The following ENPP2 variants were observed in gnomAD, a reference collection of about 807,000 sequenced individuals.
The protein encoded by ENPP2 is autotaxin.
ENPP2 carries 51 observed loss-of-function variants against 120.2 expected under a neutral mutation model. The observed-to-expected ratio is 0.42, with a 90% CI of 0.34 to 0.54. ENPP2 has a LOEUF of 0.54. Ranked by LOEUF, ENPP2 falls within the 20% of genes least tolerant of loss-of-function variation. The probability of loss-of-function intolerance (pLI) is 0.04; values close to 1 mark genes in which losing one functional copy is unlikely to be tolerated. For missense variants in ENPP2, 920 were observed against 1,066.5 expected (o/e 0.86, Z 1.91); for synonymous variants, 365 against 366.4 (o/e 1.00, Z 0.04).
intron 1 of ENPP2, among the ~76,000 whole-genome samples, chr8:119,669,769 T>C (rs915260125): frequency 2.6e-5 from 4 of 152,180 alleles, no homozygotes; most frequent in Admixed American, 6.6e-5. Flanking sequence ...TGTGTATCTA[T>C]ACCTGAGAAG....
intron 8 of ENPP2, among the ~76,000 whole-genome samples, chr8:119,614,544 G>T (rs1233568556): frequency 6.6e-6 from 1 of 152,142 alleles, no homozygotes; most frequent in African/African-American, 2.4e-5. Flanking sequence ...CATTGGGCAG[G>T]TTAACAGCAT....
At chr8:119,620,651 C>T (rs145055977) in intron 4 of ENPP2, among the ~76,000 whole-genome samples, 3 of 152,244 alleles carry the variant, frequency 2.0e-5, no homozygotes, top group East Asian at 1.9e-4. Context: ...GTGGGTTGCA[C>T]GGCAACTTAA....
intron 5 of ENPP2, among the ~76,000 whole-genome samples, chr8:119,618,889 C>T (rs1048842600): frequency 6.6e-6 from 1 of 151,936 alleles, no homozygotes; most frequent in Non-Finnish European, 1.5e-5. Flanking sequence ...TTTCATTCCC[C>T]ACTCCCCGCA....
At chr8:119,640,430 A>G (rs1350136385), upstream of ENPP2, among the ~76,000 whole-genome samples, 1 of 152,252 alleles carries the variant, frequency 6.6e-6, no homozygotes, top group Non-Finnish European at 1.5e-5. Context: ...ATATCAAGGC[A>G]ATCCTGTTAT....
intron 9 of ENPP2, among the ~76,000 whole-genome samples, chr8:119,605,207 G>A (rs1814619337): frequency 6.6e-6 from 1 of 151,976 alleles, no homozygotes; most frequent in South Asian, 2.1e-4. Flanking sequence ...AAGTAGCTGG[G>A]ACTATAGGCA....
At chr8:119,566,128 T>C (rs892954563) in intron 22 of ENPP2, among the ~76,000 whole-genome samples, 2 of 152,216 alleles carry the variant, frequency 1.3e-5, no homozygotes, top group African/African-American at 2.4e-5. Context: ...ATGTCTGCTT[T>C]CTCCTCTATA....
chr8:119,642,045 G>A (rs1817300092), upstream of ENPP2, among the ~76,000 whole-genome samples: 1 of 152,112 alleles, frequency 6.6e-6, no homozygotes, highest in Non-Finnish European at 1.5e-5. Context: ...ATAATATAGA[G>A]CTTTAATTTT....
upstream of ENPP2, among the ~76,000 whole-genome samples, chr8:119,640,387 A>T (rs774120091): frequency 3.3e-5 from 5 of 152,226 alleles, no homozygotes; most frequent in Non-Finnish European, 7.3e-5. Flanking sequence ...CAAGCCAGAC[A>T]TGATAGAGGA....
intron 1 of ENPP2, among the ~76,000 whole-genome samples, chr8:119,667,334 C>T (rs1818103018): frequency 6.6e-6 from 1 of 152,210 alleles, no homozygotes; most frequent in African/African-American, 2.4e-5. Context: ...TTCTCTGTGA[C>T]AAAGAACTCA....
At chr8:119,657,070 G>A (rs781308447) in intron 1 of ENPP2, among the ~76,000 whole-genome samples, 36 of 152,168 alleles carry the variant, frequency 2.4e-4, no homozygotes, top group Non-Finnish European at 4.0e-4. Context: ...TGGGATTACA[G>A]GCACCCACCA....
In ENPP2 at chr8:119,564,939, G is replaced by A; in HGVS notation, c.2148C>T (p.Phe716=). The A allele has an allele frequency of 6.2e-7, 1 of 1,612,570 alleles. No homozygotes were observed. The highest frequency in any genetic ancestry group is 8.5e-7 in the Non-Finnish European group (1 of 1,179,224). Residue 716 remains phenylalanine (F), a synonymous_variant, in exon 23 of 25, where the codon TTC becomes TTT. Transcript: ENST00000075322. ...YPAFKRVWNY[F]QRVLVKKYAS... ...CATATTTCTTCACCAATACCCTTTG[G>A]AAATAATTCCAGACCCCTGTGCAAA...
rs773884330 is a variant in ENPP2 at position 119,569,240 on chromosome 8, G to A, written c.2048C>T (p.Pro683Leu). ...TCTTGATATTCTTAACTTACAAGGAGGAAAGAGGAATCCGTAGGACATCTG... is the reference window on the plus strand; with the variant it reads ...TCTTGATATTCTTAACTTACAAGGAAGAAAGAGGAATCCGTAGGACATCTG... ...DKQMSYGFLF[P>L]PYLSSSPEAK... The change falls in exon 21 of 25, where the codon CCT becomes CTT. Residue 683 changes from proline (P) to leucine (L), a missense_variant. Physicochemically the swap from Pro to Leu is moderately conservative, Grantham distance 98. Coordinates refer to ENST00000075322, the MANE Select transcript of ENPP2 (RefSeq NM_001040092.3). The A allele has an allele frequency of 1.2e-6, 2 of 1,613,830 alleles. No individual in the cohort carries two copies. Among genetic ancestry groups the A allele is most frequent in the Admixed American group, 1.7e-5 (1 of 60,000 alleles).
intron 1 of ENPP2, among the ~76,000 whole-genome samples, chr8:119,661,038 C>A (rs1200291123): frequency 1.3e-5 from 2 of 152,056 alleles, no homozygotes; most frequent in Non-Finnish European, 2.9e-5. Flanking sequence ...AAGCTGGAAA[C>A]CATCATCCTC....
chr8:119,630,263 C>T (rs1312066563), intron 2 of ENPP2, among the ~76,000 whole-genome samples: 1 of 151,964 alleles, frequency 6.6e-6, no homozygotes, highest in East Asian at 1.9e-4. Flanking sequence ...CACCCACCAC[C>T]ATGTCCAGCA....
chr8:119,575,618 C>T (rs1426383106), intron 19 of ENPP2, among the ~76,000 whole-genome samples: 2 of 152,136 alleles, frequency 1.3e-5, no homozygotes, highest in Admixed American at 1.3e-4. Flanking sequence ...AAACTGCGTT[C>T]AAATCTAATC....
intron 13 of ENPP2, among the ~76,000 whole-genome samples, chr8:119,587,537 T>A (rs1813200415): frequency 6.6e-6 from 1 of 152,204 alleles, no homozygotes; most frequent in Non-Finnish European, 1.5e-5. Context: ...ATCCATTGAG[T>A]TATTTTTTTA....
At chr8:119,605,419 A>C (rs1814636063) in intron 9 of ENPP2, among the ~76,000 whole-genome samples, 1 of 121,464 alleles carries the variant, frequency 8.2e-6, no homozygotes, top group Non-Finnish European at 1.7e-5. Flanking sequence ...CCCATGATGA[A>C]GATACCATAT....
intron 13 of ENPP2, among the ~76,000 whole-genome samples, chr8:119,589,071 T>G (rs1341170800): frequency 6.6e-6 from 1 of 152,230 alleles, no homozygotes; most frequent in Non-Finnish European, 1.5e-5. Context: ...TAAGAGTGTA[T>G]GTGTATGTGT....
At chr8:119,623,920 C>T (rs917255455) in intron 3 of ENPP2, among the ~76,000 whole-genome samples, 2 of 152,170 alleles carry the variant, frequency 1.3e-5, no homozygotes, top group Non-Finnish European at 2.9e-5. Flanking sequence ...GCCACTATGC[C>T]CAGCCATTCT....
Sources: gnomAD v4.1 joint callset for allele counts (sites outside exome capture counted in the v4.1 genomes callset) on GRCh38, gnomAD v4.1.1 for gene constraint, MANE v1.5 for transcripts, NCBI Gene and HGNC (gene_info 2026-07-23, HGNC 2026-07-21) for gene names.